RGS7: variants seen among roughly 807,000 people sequenced by gnomAD.
The protein encoded by RGS7 is regulator of G protein signaling 7.
A neutral mutation model predicts 81.1 loss-of-function variants in RGS7; 27 were observed. That is an observed-to-expected ratio of 0.33 (90% confidence interval 0.25 to 0.46). The LOEUF (loss-of-function observed/expected upper bound fraction) is 0.46, where lower values mean the gene tolerates loss of function less well. Among genes scored for constraint, RGS7 ranks in the 20% least tolerant of loss-of-function variants. The pLI is 1.00. For synonymous variants in RGS7, 208 were observed against 207.7 expected (o/e 1.00, Z -0.01); for missense variants, 396 against 607.4 (o/e 0.65, Z 3.66).
intron 2 of RGS7, among the ~76,000 whole-genome samples, chr1:241,115,810 C>T (rs2102974030): frequency 6.6e-6 from 1 of 152,248 alleles, no homozygotes; most frequent in East Asian, 1.9e-4. Flanking sequence ...GAAACCAAAT[C>T]TTATGTGACC....
At chr1:241,072,332 C>T (rs2062519261) in intron 3 of RGS7, among the ~76,000 whole-genome samples, 1 of 152,192 alleles carries the variant, frequency 6.6e-6, no homozygotes, top group Non-Finnish European at 1.5e-5. Context: ...GGGCAGAATG[C>T]TCTGTTTTCC....
At position 241,174,713 on chromosome 1, in the gene RGS7, C is replaced by T. The variant is rs551368499; in HGVS notation, c.79-75951G>A. 3.9e-4 allele frequency among the ~76,000 whole-genome samples: 59 copies of T among 152,174 alleles called. No homozygotes were observed. The South Asian group carries it at 0.01, about 26-fold the overall frequency. ...ATTTGCAAAAAGTTAGCAAAAAGTA[C>T]GTATCTGGGGACAACTGCTTCCTTC... is the stretch of plus-strand genomic sequence containing the variant. On this transcript the variant is annotated intron_variant, in intron 2 of 18. Transcript: ENST00000440928.
chr1:241,282,509 C>G lies in RGS7; in HGVS notation c.78+73190G>C, dbSNP rs537108507. ...TTGGAATTTTCTACATAGACAATCA[C>G]GTCATCTGCAAATAAGGATCTCTTC... On this transcript the variant is annotated intron_variant, in intron 2 of 18. Coordinates refer to ENST00000440928, the MANE Select transcript of RGS7 (RefSeq NM_001364886.1). Among the ~76,000 whole-genome samples the G allele has an allele frequency of 2.6e-5, 4 of 152,268 alleles. No homozygotes were observed. The East Asian group carries it at 7.7e-4, about 29-fold the overall frequency.
At chr1:240,917,923 C>T (rs1238203241) in intron 6 of RGS7, among the ~76,000 whole-genome samples, 1 of 152,074 alleles carries the variant, frequency 6.6e-6, no homozygotes, top group Non-Finnish European at 1.5e-5. Flanking sequence ...AAAGATATGC[C>T]ATGCTAAAAC....
At chr1:240,994,409 C>T (rs1018609402) in intron 3 of RGS7, among the ~76,000 whole-genome samples, 3 of 152,252 alleles carry the variant, frequency 2.0e-5, no homozygotes, top group African/African-American at 4.8e-5. Context: ...TTGATTAACA[C>T]CTATTTAATT....
At chr1:241,121,721 T>G in intron 2 of RGS7, among the ~76,000 whole-genome samples, 1 of 138,198 alleles carries the variant, frequency 7.2e-6, no homozygotes, top group Non-Finnish European at 1.6e-5. Context: ...TTTTTTTTTT[T>G]TTTTTTTTTT....
chr1:241,257,033 ATT>A (rs2077087537), intron 2 of RGS7, among the ~76,000 whole-genome samples: 3 of 151,824 alleles, frequency 2.0e-5, no homozygotes, highest in Admixed American at 2.0e-4. Context: ...CACTATATAT[ATT>A]GTGTATATAT....
At chr1:241,172,509 C>T (rs1486904483) in intron 2 of RGS7, among the ~76,000 whole-genome samples, 5 of 151,932 alleles carry the variant, frequency 3.3e-5, no homozygotes, top group Non-Finnish European at 7.4e-5. Context: ...TTTTTAAACT[C>T]ACAGACTAAA....
At position 241,171,338 on chromosome 1, in the gene RGS7, G is replaced by A. The variant is rs58065929; in HGVS notation, c.79-72576C>T. On this transcript the variant is annotated intron_variant, in intron 2 of 18. Transcript: ENST00000440928. ...TCTAAAGTTTTTTCCTAATTTCTCA[G>A]CATAATTCCATAAGGCAGACATTGT... Among the ~76,000 whole-genome samples, 1,092 of 152,110 alleles carry A rather than the reference G, an allele frequency of 7.2e-3. 14 individuals are homozygous for A. Among genetic ancestry groups the A allele is most frequent in the African/African-American group, 0.025 (1,023 of 41,494 alleles).
chr1:240,830,152 G>T (rs1693587458), intron 9 of RGS7, among the ~76,000 whole-genome samples: 1 of 152,206 alleles, frequency 6.6e-6, no homozygotes, highest in African/African-American at 2.4e-5. Context: ...GTGTTAGCAA[G>T]AAAGATGAGC....
At chr1:241,241,235 T>G (rs531354102) in intron 2 of RGS7, among the ~76,000 whole-genome samples, 23 of 152,190 alleles carry the variant, frequency 1.5e-4, no homozygotes, top group Non-Finnish European at 3.4e-4. Flanking sequence ...CAGGCCTTCT[T>G]GGACCTCTTG....
chr1:240,946,003 A>G (rs1678540991), intron 4 of RGS7, among the ~76,000 whole-genome samples: 1 of 152,194 alleles, frequency 6.6e-6, no homozygotes, highest in Admixed American at 6.5e-5. Context: ...TAGTTTGGAA[A>G]CTAGATATGG....
chr1:241,109,166 A>C (rs899244795), intron 2 of RGS7, among the ~76,000 whole-genome samples: 1 of 152,194 alleles, frequency 6.6e-6, no homozygotes, highest in Non-Finnish European at 1.5e-5. Flanking sequence ...CCCAACTGTC[A>C]TTCTAGCGTT....
chr1:241,289,946 C>T (rs1308672645), intron 2 of RGS7, among the ~76,000 whole-genome samples: 3 of 152,196 alleles, frequency 2.0e-5, no homozygotes, highest in Non-Finnish European at 2.9e-5. Flanking sequence ...GGTTCCATCA[C>T]TCATTCTAGC....
intron 3 of RGS7, among the ~76,000 whole-genome samples, chr1:241,062,517 A>G (rs2148837386): frequency 6.6e-6 from 1 of 152,352 alleles, no homozygotes; most frequent in Middle Eastern, 3.4e-3. Context: ...GGAAGTTAAT[A>G]GTTTTGAAGA....
chr1:240,996,202 G>C (rs1687261985), intron 3 of RGS7, among the ~76,000 whole-genome samples: 1 of 152,004 alleles, frequency 6.6e-6, no homozygotes, highest in Admixed American at 6.5e-5. Context: ...TGTGTTTAAT[G>C]GCCCAAAATA....
chr1:241,308,694 G>A (rs2080319514), intron 2 of RGS7, among the ~76,000 whole-genome samples: 1 of 152,108 alleles, frequency 6.6e-6, no homozygotes, highest in South Asian at 2.1e-4. Context: ...CGCTCTCCAG[G>A]CCTGTTCATT....
intron 3 of RGS7, among the ~76,000 whole-genome samples, chr1:241,093,660 A>C (rs1048370827): frequency 6.6e-6 from 1 of 152,306 alleles, no homozygotes; most frequent in East Asian, 1.9e-4. Flanking sequence ...ATAAAAACAA[A>C]AATTATAGAT....
intron 2 of RGS7, among the ~76,000 whole-genome samples, chr1:241,102,785 A>C (rs1331494161): frequency 6.6e-6 from 1 of 152,164 alleles, no homozygotes; most frequent in African/African-American, 2.4e-5. Context: ...AAGCTGGCTC[A>C]ACAAGCTTCA....
Sources: gnomAD v4.1 joint callset for allele counts (sites outside exome capture counted in the v4.1 genomes callset) on GRCh38, gnomAD v4.1.1 for gene constraint, MANE v1.5 for transcripts, NCBI Gene and HGNC (gene_info 2026-07-23, HGNC 2026-07-21) for gene names.